The following UVRAG variants were observed in gnomAD, a reference collection of about 807,000 sequenced individuals.
UVRAG encodes the protein UV radiation resistance associated, also known as UV radiation resistance-associated gene protein.
Under a neutral mutation model 78.0 loss-of-function variants are expected in UVRAG, and 19 were observed. That is an observed-to-expected ratio of 0.24 (90% CI 0.17 to 0.36). The LOEUF (loss-of-function observed/expected upper bound fraction) is 0.36, where lower values mean the gene tolerates loss of function less well. Ranked by LOEUF, UVRAG falls within the 10% of genes least tolerant of loss-of-function variation. The probability of loss-of-function intolerance (pLI) is 1.00; values close to 1 mark genes in which losing one functional copy is unlikely to be tolerated. For missense variants in UVRAG, 740 were observed against 853.8 expected, an observed-to-expected ratio of 0.87 and a Z score of 1.66; for synonymous variants, 323 against 324.6, an observed-to-expected ratio of 1.00 and a Z score of 0.05.
chr11:75,930,927 T>TTTTTTC (rs752762673), intron 6 of UVRAG: 1 of 117,404 alleles, frequency 8.5e-6, no homozygotes, highest in African/African-American at 3.2e-5. Flanking sequence ...AGTGTCGGGA[T>TTTTTTC]TTTCTTTCTT....
intron 12 of UVRAG, among the ~76,000 whole-genome samples, chr11:76,037,290 C>T (rs1189692175): frequency 6.6e-6 from 1 of 152,100 alleles, no homozygotes; most frequent in African/African-American, 2.4e-5. Context: ...AAAAAGCTTT[C>T]CACATAACTC....
Position 76,106,427 on chromosome 11 carries a change from G to A in UVRAG, c.1306-9497G>A, listed in dbSNP as rs192621031. Among the ~76,000 whole-genome samples the A allele has an allele frequency of 3.4e-4, 51 of 151,982 alleles. No individual in the cohort carries two copies. In the South Asian group the frequency reaches 6.4e-3, roughly 19 times the overall value. ...GTTGCCCAGACTGGAGTGCAGTGGC[G>A]TGATCTCAGCTCACTGTAACCTCCG... On this transcript the variant is annotated intron_variant, in intron 13 of 14. Transcript: ENST00000356136.
In UVRAG at chr11:76,140,698, G is replaced by A; in HGVS notation, c.1398-13G>A. ...AAGTCCAAAGTAACTTCTTGTTTTTGTTTCTCTTCTAGTGACAGACATCAC... is the reference window on the plus strand; with the variant it reads ...AAGTCCAAAGTAACTTCTTGTTTTTATTTCTCTTCTAGTGACAGACATCAC... On this transcript the variant is annotated splice_polypyrimidine_tract_variant and intron_variant, in intron 14 of 14. Transcript: ENST00000356136. The A allele has an allele frequency of 1.9e-6, 3 of 1,544,138 alleles. No individual in the cohort carries two copies. Among genetic ancestry groups the A allele is most frequent in the African/African-American group, 1.4e-5 (1 of 72,236 alleles).
Position 75,884,212 on chromosome 11 carries a change from G to GTCTCTCTCTCTCTCTCTC in UVRAG, c.432+4182_432+4199dup, listed in dbSNP as rs138821865. 1.8e-3 allele frequency among the ~76,000 whole-genome samples: 259 copies of GTCTCTCTCTCTCTCTCTC among 144,156 alleles called. 3 individuals carry two copies. Among genetic ancestry groups the GTCTCTCTCTCTCTCTCTC allele is most frequent in the African/African-American group, 6.4e-3 (245 of 38,068 alleles). 94.6% of individuals were successfully genotyped at this position (144,156 alleles called of 152,430 possible). ...TAAGCAAAAAGTCTATTTGAGATCA[G>GTCTCTCTCTCTCTCTCTC]TCTCTCTCTCTCTCTCTCTCTCTCT... On this transcript the variant is annotated intron_variant, in intron 4 of 14. Transcript: ENST00000356136.
At chr11:76,137,647 C>A (rs1952624242) in intron 14 of UVRAG, 1 of 358,208 alleles carries the variant, frequency 2.8e-6, no homozygotes, top group Non-Finnish European at 5.5e-6. Flanking sequence ...ACCTGTAATC[C>A]CAATATTTTG....
In UVRAG at chr11:75,872,548, C is replaced by T. The variant is rs545981866; in HGVS notation, c.271-7331C>T. ...AGATACAGGCGCGCCCCACCACGCC[C>T]GGCTAATTTTTGTATTTTTTAGTAG... is the stretch of plus-strand genomic sequence containing the variant. On this transcript the variant is annotated intron_variant, in intron 3 of 14. Transcript: ENST00000356136. Among the ~76,000 whole-genome samples, 17 of 152,098 alleles carry T rather than the reference C, an allele frequency of 1.1e-4. No homozygotes were observed. The South Asian group carries it at 2.1e-3, about 19-fold the overall frequency.
intron 13 of UVRAG, among the ~76,000 whole-genome samples, chr11:76,092,426 A>G (rs889173817): frequency 3.3e-5 from 5 of 152,194 alleles, no homozygotes; most frequent in Non-Finnish European, 5.9e-5. Context: ...GTCTTCCACA[A>G]TGGTTGAACT....
intron 6 of UVRAG, among the ~76,000 whole-genome samples, chr11:75,938,400 T>C (rs1385163853): frequency 2.6e-5 from 4 of 152,244 alleles, no homozygotes; most frequent in Non-Finnish European, 5.9e-5. Context: ...GCATATACAG[T>C]CATTTTTAAT....
intron 4 of UVRAG, among the ~76,000 whole-genome samples, chr11:75,881,142 T>C (rs1403698872): frequency 6.6e-6 from 1 of 151,984 alleles, no homozygotes; most frequent in Non-Finnish European, 1.5e-5. Flanking sequence ...CTAATTTTTA[T>C]TTTTATTTTT....
chr11:75,878,718 A>G (rs1274946551), intron 3 of UVRAG, among the ~76,000 whole-genome samples: 4 of 152,194 alleles, frequency 2.6e-5, no homozygotes, highest in Non-Finnish European at 4.4e-5. Flanking sequence ...AAAACCAGTC[A>G]GGCGTGGCGG....
At chr11:76,085,925 G>A (rs1336282801) in intron 13 of UVRAG, among the ~76,000 whole-genome samples, 3 of 152,068 alleles carry the variant, frequency 2.0e-5, no homozygotes, top group Non-Finnish European at 4.4e-5. Context: ...GACACCCCAT[G>A]CCTGCTGACA....
intron 1 of UVRAG, among the ~76,000 whole-genome samples, chr11:75,822,023 C>A (rs1440758866): frequency 6.7e-6 from 1 of 148,154 alleles, no homozygotes; most frequent in Non-Finnish European, 1.5e-5. Context: ...CAGCTCACTG[C>A]AACCTCTACC....
At chr11:76,040,625 G>A (rs1238419013) in intron 12 of UVRAG, among the ~76,000 whole-genome samples, 6 of 151,976 alleles carry the variant, frequency 3.9e-5, no homozygotes, top group African/African-American at 9.7e-5. Flanking sequence ...GCGCGGTCTC[G>A]ACTCACTGCA....
At chr11:75,988,167 C>T (rs1027766627) in intron 8 of UVRAG, among the ~76,000 whole-genome samples, 5 of 152,014 alleles carry the variant, frequency 3.3e-5, no homozygotes, top group Admixed American at 6.5e-5. Context: ...ATTTAAAATA[C>T]ACAGTTTGAT....
intron 14 of UVRAG, among the ~76,000 whole-genome samples, chr11:76,125,968 TAGAC>T (rs1360185151): frequency 1.3e-5 from 2 of 150,718 alleles, no homozygotes; most frequent in Non-Finnish European, 3.0e-5. Context: ...TTTTTTTTTT[TAGAC>T]AGAGTCTCGC....
At position 75,907,896 on chromosome 11, in the gene UVRAG, A is replaced by T. The variant is rs191778147; in HGVS notation, c.508-4058A>T. On this transcript the variant is annotated intron_variant, in intron 5 of 14. Transcript: ENST00000356136. ...GTTCATGGTGTATAATCTTTAAAAA[A>T]TTTTTTTTGTGGTAAATTACAAATA... Among the ~76,000 whole-genome samples, 764 of 151,954 alleles carry T rather than the reference A, an allele frequency of 5.0e-3. 4 individuals carry two copies. The highest frequency in any genetic ancestry group is 0.017 in the African/African-American group (686 of 41,416).
intron 12 of UVRAG, among the ~76,000 whole-genome samples, chr11:76,031,341 G>A (rs1950434089): frequency 6.6e-6 from 1 of 152,218 alleles, no homozygotes; most frequent in Non-Finnish European, 1.5e-5. Flanking sequence ...GAAGGTGGCT[G>A]CTGGGTGAGA....
intron 2 of UVRAG, among the ~76,000 whole-genome samples, chr11:75,853,053 G>T (rs569108525): frequency 2.6e-5 from 4 of 152,018 alleles, no homozygotes; most frequent in Non-Finnish European, 5.9e-5. Flanking sequence ...TGGGACTACA[G>T]GTGTGAGACG....
chr11:76,000,888 G>A (rs1949801238), intron 8 of UVRAG, among the ~76,000 whole-genome samples: 1 of 152,116 alleles, frequency 6.6e-6, no homozygotes, highest in African/African-American at 2.4e-5. Context: ...AGATAGAACT[G>A]AAAGGAGAAA....
Sources: allele counts gnomAD v4.1 joint callset (sites outside exome capture counted in the v4.1 genomes callset), GRCh38; gene constraint gnomAD v4.1.1; transcripts MANE v1.5; gene names NCBI Gene and HGNC (gene_info 2026-07-23, HGNC 2026-07-21).